SLC35F1: variants seen among roughly 807,000 people sequenced by gnomAD.
SLC35F1 encodes solute carrier family 35 member F1.
Under a neutral mutation model 48.7 loss-of-function variants are expected in SLC35F1, and 14 were observed. That is an observed-to-expected ratio of 0.29 (90% confidence interval 0.19 to 0.45). The LOEUF (loss-of-function observed/expected upper bound fraction) is 0.45, where lower values mean the gene tolerates loss of function less well. Ranked by LOEUF, SLC35F1 falls within the 20% of genes least tolerant of loss-of-function variation. The pLI is 1.00. For synonymous variants in SLC35F1, 190 were observed against 202.2 expected (o/e 0.94, Z 0.51); for missense variants, 404 against 500.0 (o/e 0.81, Z 1.83).
intron 1 of SLC35F1, among the ~76,000 whole-genome samples, chr6:118,062,403 A>G (rs549114112): frequency 3.0e-4 from 46 of 152,126 alleles, no homozygotes; most frequent in Non-Finnish European, 5.6e-4. Context: ...AGGTATATAG[A>G]TTTATGGGGT....
intron 1 of SLC35F1, among the ~76,000 whole-genome samples, chr6:117,947,382 C>G (rs1018252267): frequency 6.6e-6 from 1 of 152,184 alleles, no homozygotes; most frequent in East Asian, 1.9e-4. Flanking sequence ...AGAAGGGCCC[C>G]GCAAACCATT....
At chr6:118,249,118 A>G (rs1775541766) in intron 3 of SLC35F1, among the ~76,000 whole-genome samples, 1 of 152,214 alleles carries the variant, frequency 6.6e-6, no homozygotes, top group South Asian at 2.1e-4. Flanking sequence ...AAATAAATAT[A>G]TGTTGTTTAT....
chr6:118,130,995 T>C (rs531943100), intron 1 of SLC35F1, among the ~76,000 whole-genome samples: 2 of 152,196 alleles, frequency 1.3e-5, no homozygotes, highest in Non-Finnish European at 2.9e-5. Flanking sequence ...ATATCTGACA[T>C]GGCAAGGTAG....
At chr6:118,153,936 T>C (rs1170328995) in intron 1 of SLC35F1, among the ~76,000 whole-genome samples, 1 of 152,138 alleles carries the variant, frequency 6.6e-6, no homozygotes, top group African/African-American at 2.4e-5. Context: ...CCCCTTCACC[T>C]AGGGGTTTCT....
intron 1 of SLC35F1, among the ~76,000 whole-genome samples, chr6:117,970,410 G>A (rs1776623579): frequency 6.6e-6 from 1 of 152,150 alleles, no homozygotes; most frequent in East Asian, 1.9e-4. Flanking sequence ...GAATATAATA[G>A]ACAGGTATGA....
chr6:118,275,584 CTCTTTGGAGCATT>C lies in SLC35F1; in HGVS notation c.765_777del (p.Phe256SerfsTer6). 6.2e-7 allele frequency: 1 copy of C among 1,613,798 alleles called. No homozygotes were observed. The highest frequency in any genetic ancestry group is 8.5e-7 in the Non-Finnish European group (1 of 1,179,872). On this transcript the variant is annotated frameshift_variant, in exon 5 of 8. Transcript: ENST00000360388. LOFTEE classifies it high-confidence loss of function. ...AGTGGAATTCCTGGGAATGATTGGT[CTCTTTGGAGCATT>C]TTTCAGTGGAATTCAATTGTGAGTA...
At chr6:118,106,789 T>C (rs1432479058) in intron 1 of SLC35F1, among the ~76,000 whole-genome samples, 1 of 152,208 alleles carries the variant, frequency 6.6e-6, no homozygotes, top group Non-Finnish European at 1.5e-5. Context: ...TCCCACTTCC[T>C]CTGGCTTTCA....
intron 2 of SLC35F1, among the ~76,000 whole-genome samples, chr6:118,173,052 A>G (rs1244617607): frequency 6.6e-6 from 1 of 152,136 alleles, no homozygotes; most frequent in Non-Finnish European, 1.5e-5. Flanking sequence ...GATAATGAGA[A>G]TATACAGCAC....
chr6:118,309,763 T>C (rs555921678), intron 7 of SLC35F1, among the ~76,000 whole-genome samples: 1 of 152,354 alleles, frequency 6.6e-6, no homozygotes, highest in South Asian at 2.1e-4. Context: ...TGTGATGTGC[T>C]GAATGCCACA....
intron 1 of SLC35F1, among the ~76,000 whole-genome samples, chr6:118,071,028 A>ATGTG (rs1772705972): frequency 2.6e-5 from 1 of 38,944 alleles, no homozygotes; most frequent in South Asian, 9.0e-4. Context: ...TATATATTCT[A>ATGTG]CGTGTATATA....
chr6:117,991,229 T>C (rs1018444020), intron 1 of SLC35F1, among the ~76,000 whole-genome samples: 1 of 152,150 alleles, frequency 6.6e-6, no homozygotes, highest in Non-Finnish European at 1.5e-5. Flanking sequence ...AACTGTGATA[T>C]GATTTTGTAC....
In SLC35F1 at chr6:117,955,646, T is replaced by G. The variant is rs530907215; in HGVS notation, c.173+47747T>G. On this transcript the variant is annotated intron_variant, in intron 1 of 7. Transcript: ENST00000360388. ...TCACCACTTCACCAGAGACCCAAGG[T>G]GAAGAAAATAAGTTAGAATAATCAG... Among the ~76,000 whole-genome samples the G allele has an allele frequency of 2.6e-5, 4 of 152,118 alleles. No homozygotes were observed. The East Asian group carries it at 7.7e-4, about 29-fold the overall frequency.
At chr6:118,152,254 C>A (rs1195994870) in intron 1 of SLC35F1, among the ~76,000 whole-genome samples, 1 of 152,134 alleles carries the variant, frequency 6.6e-6, no homozygotes, top group African/African-American at 2.4e-5. Flanking sequence ...TATCTCACTG[C>A]TGAAGTGCAA....
intron 1 of SLC35F1, among the ~76,000 whole-genome samples, chr6:118,015,979 G>A (rs377323095): frequency 1.3e-5 from 2 of 152,196 alleles, no homozygotes. Flanking sequence ...GTATCCTCTT[G>A]GAAGATCATT....
intron 1 of SLC35F1, among the ~76,000 whole-genome samples, chr6:117,927,564 G>T (rs997599589): frequency 1.3e-5 from 2 of 152,186 alleles, no homozygotes; most frequent in Non-Finnish European, 2.9e-5. Flanking sequence ...CAAAAGACCT[G>T]TGCTTTTGCA....
chr6:118,007,785 T>C (rs1217702620), intron 1 of SLC35F1, among the ~76,000 whole-genome samples: 3 of 152,184 alleles, frequency 2.0e-5, no homozygotes, highest in Non-Finnish European at 4.4e-5. Context: ...AGTTCTTACA[T>C]CTGGAGCTCA....
intron 2 of SLC35F1, among the ~76,000 whole-genome samples, chr6:118,201,510 G>A (rs372321767): frequency 3.3e-4 from 51 of 152,280 alleles, no homozygotes; most frequent in African/African-American, 1.2e-3. Context: ...CCATCATTTA[G>A]CCCTGAGCCT....
intron 1 of SLC35F1, among the ~76,000 whole-genome samples, chr6:118,120,836 T>C (rs1197214335): frequency 6.6e-6 from 1 of 152,120 alleles, no homozygotes; most frequent in Admixed American, 6.5e-5. Context: ...AAAGAACCCT[T>C]TTGCCTTGGC....
At chr6:118,261,432 T>C (rs544343850) in intron 3 of SLC35F1, among the ~76,000 whole-genome samples, 8 of 152,308 alleles carry the variant, frequency 5.3e-5, no homozygotes, top group African/African-American at 1.2e-4. Flanking sequence ...TATGCATATA[T>C]ACATATGCAT....
Sources: allele counts gnomAD v4.1 joint callset (sites outside exome capture counted in the v4.1 genomes callset), GRCh38; gene constraint gnomAD v4.1.1; transcripts MANE v1.5; gene names NCBI Gene and HGNC (gene_info 2026-07-23, HGNC 2026-07-21).